The following ZNF536 variants were observed in gnomAD, a reference collection of about 807,000 sequenced individuals.
ZNF536 encodes zinc finger protein 536.
Under a neutral mutation model 84.5 loss-of-function variants are expected in ZNF536, and 13 were observed. The observed-to-expected ratio is 0.15, with a 90% CI of 0.10 to 0.24. The LOEUF (loss-of-function observed/expected upper bound fraction) is 0.24. Among genes scored for constraint, ZNF536 ranks in the 10% least tolerant of loss-of-function variants. The pLI is 1.00. For synonymous variants in ZNF536, 811 were observed against 742.5 expected (o/e 1.09, Z -1.50); for missense variants, 1,536 against 1,747.5 (o/e 0.88, Z 2.16).
chr19:30,317,289 G>T (rs929653054), intron 2 of ZNF536, among the ~76,000 whole-genome samples: 2 of 152,074 alleles, frequency 1.3e-5, no homozygotes, highest in African/African-American at 4.8e-5. Context: ...CTTGTCTGAG[G>T]TTACCCAGCT....
intron 2 of ZNF536, among the ~76,000 whole-genome samples, chr19:30,521,657 A>G (rs1465670857): frequency 6.6e-6 from 1 of 152,188 alleles, no homozygotes; most frequent in Non-Finnish European, 1.5e-5. Flanking sequence ...CGTGCAAAGT[A>G]TGGAGGAGGA....
chr19:30,630,174 G>A (rs931225485), intron 1 of ZNF536, among the ~76,000 whole-genome samples: 1 of 152,256 alleles, frequency 6.6e-6, no homozygotes, highest in African/African-American at 2.4e-5. Flanking sequence ...GGGCAGGCAA[G>A]AGAGGTTGAA....
chr19:30,559,808 C>T (rs565555785), downstream of ZNF536, among the ~76,000 whole-genome samples: 1 of 152,300 alleles, frequency 6.6e-6, no homozygotes, highest in African/African-American at 2.4e-5. Flanking sequence ...GCTGTTCTCT[C>T]TTCCTTTCCA....
chr19:30,317,134 A>G (rs1252638398), intron 2 of ZNF536, among the ~76,000 whole-genome samples: 1 of 152,234 alleles, frequency 6.6e-6, no homozygotes, highest in Non-Finnish European at 1.5e-5. Flanking sequence ...AAATACTGTT[A>G]TAAACACCTA....
intron 1 of ZNF536, among the ~76,000 whole-genome samples, chr19:30,575,443 G>A (rs1243344300): frequency 1.3e-5 from 2 of 152,212 alleles, no homozygotes. Flanking sequence ...TGCCCGCCCA[G>A]GTGGCCACCA....
chr19:30,400,548 A>G (rs1360787206), intron 1 of ZNF536, among the ~76,000 whole-genome samples: 1 of 151,818 alleles, frequency 6.6e-6, no homozygotes, highest in Non-Finnish European at 1.5e-5. Flanking sequence ...TTATTTATTG[A>G]GTTGAGTTTT....
intron 1 of ZNF536, among the ~76,000 whole-genome samples, chr19:30,402,140 T>G (rs1014478202): frequency 3.3e-5 from 5 of 152,340 alleles, no homozygotes; most frequent in African/African-American, 1.2e-4. Flanking sequence ...ATTTTTCATG[T>G]ATGCATACTA....
rs562529874 is a variant in ZNF536 at position 30,289,082 on chromosome 19, A to G, written c.-120+4941A>G. Among the ~76,000 whole-genome samples, 14 of 152,198 alleles carry G rather than the reference A, an allele frequency of 9.2e-5. No individual in the cohort carries two copies. The South Asian group carries it at 2.9e-3, about 32-fold the overall frequency. On this transcript the variant is annotated intron_variant, in intron 2 of 5. Coordinates refer to the ZNF536 transcript ENST00000585628. ...CTTTGTGAAGGAGCATTGTTGACAC[A>G]TCACTGGGGGCTTGGGATTTGCTTG... is the stretch of plus-strand genomic sequence containing the variant.
chr19:30,536,033 G>A (rs2045063268), intron 3 of ZNF536, among the ~76,000 whole-genome samples: 1 of 152,116 alleles, frequency 6.6e-6, no homozygotes, highest in African/African-American at 2.4e-5. Flanking sequence ...AGGAGGCCAT[G>A]GGCCGAGTCA....
At chr19:30,585,023 G>A (rs1778461482) in intron 1 of ZNF536, among the ~76,000 whole-genome samples, 2 of 151,940 alleles carry the variant, frequency 1.3e-5, no homozygotes, top group Non-Finnish European at 2.9e-5. Context: ...CTTGAGCCCA[G>A]CAGGCAAGTG....
At chr19:30,339,781 A>C (rs2047504824) in intron 2 of ZNF536, among the ~76,000 whole-genome samples, 1 of 152,150 alleles carries the variant, frequency 6.6e-6, no homozygotes, top group Admixed American at 6.5e-5. Context: ...GCCAGCAGCC[A>C]CGTTCTGAGC....
At chr19:30,340,821 G>A (rs776750333) in intron 2 of ZNF536, among the ~76,000 whole-genome samples, 2 of 152,160 alleles carry the variant, frequency 1.3e-5, no homozygotes, top group Non-Finnish European at 1.5e-5. Context: ...AATAATTGCC[G>A]GAATGATATC....
At chr19:30,497,015 T>C (rs762403776) in intron 2 of ZNF536, among the ~76,000 whole-genome samples, 3 of 152,168 alleles carry the variant, frequency 2.0e-5, no homozygotes, top group South Asian at 2.1e-4. Flanking sequence ...AGTGTGATGC[T>C]CTTTACAAGA....
At chr19:30,360,320 T>G (rs901182289) in intron 3 of ZNF536, among the ~76,000 whole-genome samples, 6 of 152,248 alleles carry the variant, frequency 3.9e-5, no homozygotes, top group African/African-American at 1.4e-4. Context: ...GTGTGTAATA[T>G]TATTTGTTTT....
intron 1 of ZNF536, among the ~76,000 whole-genome samples, chr19:30,567,841 A>C (rs2046408141): frequency 6.6e-6 from 1 of 152,104 alleles, no homozygotes; most frequent in Non-Finnish European, 1.5e-5. Context: ...AGGCAGGGGG[A>C]AGGAGGTCTC....
chr19:30,380,538 CT>C (rs1449227167), intron 1 of ZNF536, among the ~76,000 whole-genome samples: 1 of 152,064 alleles, frequency 6.6e-6, no homozygotes, highest in Non-Finnish European at 1.5e-5. Flanking sequence ...TAAATGTTAA[CT>C]TTTTTAGCAC....
At chr19:30,533,430 G>C (rs570818688) in intron 2 of ZNF536, among the ~76,000 whole-genome samples, 1 of 152,216 alleles carries the variant, frequency 6.6e-6, no homozygotes, top group South Asian at 2.1e-4. Context: ...TAAGGCAGGA[G>C]GATCCCTTGT....
Position 30,557,167 on chromosome 19 carries a change from C to T in ZNF536, c.*3C>T. ...CACATTTTCTTGCAGGTAAGTGACA[C>T]TCCCTGTCCTAGTCGGTCTATCTGG... is the stretch of plus-strand genomic sequence containing the variant. On this transcript the variant is annotated 3_prime_UTR_variant, in exon 5 of 5. Coordinates refer to ENST00000355537, the MANE Select transcript of ZNF536 (RefSeq NM_014717.3). The T allele has an allele frequency of 6.2e-7, 1 of 1,613,636 alleles. No individual in the cohort carries two copies. Among genetic ancestry groups the T allele is most frequent in the South Asian group, 1.1e-5 (1 of 90,956 alleles).
chr19:30,275,350 C>T (rs2026068768), intron 1 of ZNF536, among the ~76,000 whole-genome samples: 1 of 152,332 alleles, frequency 6.6e-6, no homozygotes, highest in African/African-American at 2.4e-5. Context: ...TGTCCTGGGT[C>T]AGAACCACCC....
Sources: gnomAD v4.1 joint callset for allele counts (sites outside exome capture counted in the v4.1 genomes callset) on GRCh38, gnomAD v4.1.1 for gene constraint, MANE v1.5 for transcripts, NCBI Gene and HGNC (gene_info 2026-07-23, HGNC 2026-07-21) for gene names.